Variants in PRKN observed in about 807,000 individuals in gnomAD.
PRKN encodes the protein E3 ubiquitin-protein ligase parkin.
In PRKN, 56 loss-of-function variants were observed where a neutral mutation model predicts 59.5. That is an observed-to-expected ratio of 0.94 (90% confidence interval 0.76 to 1.18). The LOEUF (loss-of-function observed/expected upper bound fraction) is 1.18. Among genes scored for constraint, PRKN ranks in the 50% most tolerant of loss-of-function variants. PRKN has a pLI of 0.00. For missense variants in PRKN, 657 were observed against 596.4 expected (o/e 1.10, Z -1.06); for synonymous variants, 250 against 222.1 (o/e 1.13, Z -1.12).
chr6:161,627,991 G>T (rs1783154814), intron 7 of PRKN, among the ~76,000 whole-genome samples: 1 of 152,006 alleles, frequency 6.6e-6, no homozygotes, highest in Admixed American at 6.6e-5. Flanking sequence ...TGCAAAATCG[G>T]TATTAGCCAA....
In PRKN at chr6:161,385,760, G is replaced by A. The variant is rs1253005524; in HGVS notation, c.1167+1034C>T. 6.6e-6 allele frequency among the ~76,000 whole-genome samples: 1 copy of A among 152,138 alleles called. No homozygotes were observed. The highest frequency in any genetic ancestry group is 2.4e-5 in the African/African-American group (1 of 41,434). On this transcript the variant is annotated intron_variant, in intron 10 of 11. Transcript: ENST00000366898. This position sits in a 1 kb window ranked among gnomAD's most constrained non-coding sequence, Gnocchi z 4.9. ...ATTATTGCTTTTGCTGTCAGTACCT[G>A]GTAAGCTCGCGTTTGAATGTCCCTG...
At chr6:162,053,405 C>T (rs905038326) in intron 5 of PRKN, among the ~76,000 whole-genome samples, 51 of 152,202 alleles carry the variant, frequency 3.4e-4, no homozygotes, top group African/African-American at 1.2e-3. Context: ...ACGACGGAGC[C>T]AGCGAGTTTT....
At chr6:162,237,445 T>A (rs574841487) in intron 3 of PRKN, among the ~76,000 whole-genome samples, 2 of 152,216 alleles carry the variant, frequency 1.3e-5, no homozygotes, top group African/African-American at 4.8e-5. Flanking sequence ...TCTTTGTTCA[T>A]GTTATCTCCA....
At chr6:162,626,521 ATATGGTGGCTCAGGCCGGG>A (rs1002635913) in intron 1 of PRKN, among the ~76,000 whole-genome samples, 7 of 152,098 alleles carry the variant, frequency 4.6e-5, no homozygotes, top group African/African-American at 7.2e-5. Flanking sequence ...AACTATCTGG[ATATGGTGGCTCAGGCCGGG>A]TATGGTGGCT....
chr6:161,623,166 C>G (rs1303902500), intron 7 of PRKN, among the ~76,000 whole-genome samples: 1 of 152,174 alleles, frequency 6.6e-6, no homozygotes, highest in Non-Finnish European at 1.5e-5. Flanking sequence ...ATGGGTGAGT[C>G]CACTGAGGGC....
intron 1 of PRKN, among the ~76,000 whole-genome samples, chr6:162,541,838 A>G (rs1778936554): frequency 6.6e-6 from 1 of 151,956 alleles, no homozygotes; most frequent in Admixed American, 6.5e-5. Context: ...TTGTCTAGCA[A>G]GAGAGTCTGG....
chr6:162,264,764 T>C (rs552329495), intron 2 of PRKN: 3 of 152,118 alleles, frequency 2.0e-5, no homozygotes, highest in Admixed American at 6.6e-5. Context: ...GGAAAAACCA[T>C]CCCCCACATC....
At position 161,561,963 on chromosome 6, in the gene PRKN, C is replaced by T. The variant is rs183228558; in HGVS notation, c.933+7392G>A. Among the ~76,000 whole-genome samples the T allele has an allele frequency of 4.1e-4, 63 of 152,298 alleles. No homozygotes were observed. The East Asian group carries it at 7.7e-3, about 19-fold the overall frequency. The stretch of plus-strand genomic sequence containing the variant: ...GTGACTTTTGCCACAGTGTCACAGG[C>T]GAAGGACGCTCCCTGACCTCATCTT... On this transcript the variant is annotated intron_variant, in intron 8 of 11. Transcript: ENST00000366898. The surrounding 1 kb of genome is among the most constrained non-coding windows in gnomAD (Gnocchi z 5.0).
In PRKN at chr6:162,298,170, G is replaced by GGAGA. The variant is rs113066522; in HGVS notation, c.172-35409_172-35406dup. ...GGAGGTCAATGGGTACAGACGGAGG[G>GGAGA]GAGAGAGAGAGAGAGAGAGAGAGAA... On this transcript the variant is annotated intron_variant, in intron 2 of 11. Transcript: ENST00000366898. Among the ~76,000 whole-genome samples, 40 of 148,888 alleles carry GGAGA rather than the reference G, an allele frequency of 2.7e-4. 1 individual carries two copies. The highest frequency in any genetic ancestry group is 7.1e-4 in the African/African-American group (29 of 40,664).
rs1554275155 is a variant in PRKN at position 161,550,738 on chromosome 6, C to CGTGTGTGTGTGCACGT, written c.934-1736_934-1735insACGTGCACACACACAC. ...AAGAAAGGGTATGTGTGTGTGTGCA[C>CGTGTGTGTGTGCACGT]GTGTGTGTGTGTGTGTGTGTGTGTA... On this transcript the variant is annotated intron_variant, in intron 8 of 11. Coordinates refer to ENST00000366898, the MANE Select transcript of PRKN (RefSeq NM_004562.3). The surrounding 1 kb of genome is among the most constrained non-coding windows in gnomAD (Gnocchi z 4.0). 2.7e-5 allele frequency among the ~76,000 whole-genome samples: 4 copies of CGTGTGTGTGTGCACGT among 146,192 alleles called. No homozygotes were observed. The highest frequency in any genetic ancestry group is 5.2e-5 in the African/African-American group (2 of 38,626).
Position 162,215,714 on chromosome 6 carries a change from T to C in PRKN, c.413-14462A>G, listed in dbSNP as rs141755014. Among the ~76,000 whole-genome samples the C allele has an allele frequency of 8.6e-3, 1,306 of 152,214 alleles. 10 individuals carry two copies. Among genetic ancestry groups the C allele is most frequent in the Non-Finnish European group, 0.014 (974 of 68,016 alleles). On this transcript the variant is annotated intron_variant, in intron 3 of 11. Transcript: ENST00000366898. ...GGCTTTGGAGTTGAGGATGAAGCTTTTGATGGGCATCACTGAATACAGGAG... is the reference window on the plus strand; with the variant it reads ...GGCTTTGGAGTTGAGGATGAAGCTTCTGATGGGCATCACTGAATACAGGAG...
intron 6 of PRKN, among the ~76,000 whole-genome samples, chr6:161,935,356 C>T (rs1779315796): frequency 6.6e-6 from 1 of 151,924 alleles, no homozygotes; most frequent in Non-Finnish European, 1.5e-5. Context: ...AGTTTGAGAT[C>T]AGCCTTGGCA....
At chr6:162,390,995 A>G (rs984997226) in intron 2 of PRKN, among the ~76,000 whole-genome samples, 2 of 152,166 alleles carry the variant, frequency 1.3e-5, no homozygotes, top group Non-Finnish European at 1.5e-5. Flanking sequence ...CAGATGCTGA[A>G]TTTTCTTTAG....
intron 5 of PRKN, among the ~76,000 whole-genome samples, chr6:161,980,791 C>A (rs1768576170): frequency 6.6e-6 from 1 of 152,176 alleles, no homozygotes; most frequent in African/African-American, 2.4e-5. Context: ...TGGCTTGGGT[C>A]TGAAAGCCAC....
intron 1 of PRKN, among the ~76,000 whole-genome samples, chr6:162,690,024 A>G (rs893380426): frequency 6.6e-6 from 1 of 152,002 alleles, no homozygotes; most frequent in African/African-American, 2.4e-5. Context: ...AATAAAAGAT[A>G]TTCATGTGGG....
At chr6:162,312,892 T>G (rs750771457) in intron 2 of PRKN, among the ~76,000 whole-genome samples, 31 of 152,232 alleles carry the variant, frequency 2.0e-4, no homozygotes, top group South Asian at 6.2e-4. Flanking sequence ...TAATTTTAAA[T>G]ATTGTAGCAT....
intron 1 of PRKN, among the ~76,000 whole-genome samples, chr6:162,577,534 G>T (rs55660305): frequency 0.022 from 3,391 of 151,950 alleles, 84 homozygotes; most frequent in Middle Eastern, 0.037. Flanking sequence ...CGGGAGGCGG[G>T]GGGTGCAGTA....
intron 7 of PRKN, among the ~76,000 whole-genome samples, chr6:161,636,627 A>G (rs558890995): frequency 5.9e-5 from 9 of 152,322 alleles, no homozygotes; most frequent in African/African-American, 2.2e-4. Context: ...GGAAATGCCA[A>G]AGAGCAAACT....
At chr6:162,505,677 A>G (rs1583687041) in intron 1 of PRKN, among the ~76,000 whole-genome samples, 1 of 152,242 alleles carries the variant, frequency 6.6e-6, no homozygotes, top group African/African-American at 2.4e-5. Context: ...CAGAAAGGAT[A>G]TATGCCAACT....
Sources: allele counts gnomAD v4.1 joint callset (sites outside exome capture counted in the v4.1 genomes callset), GRCh38; gene constraint gnomAD v4.1.1; non-coding constraint Gnocchi (gnomAD v3.1); transcripts MANE v1.5; gene names NCBI Gene and HGNC (gene_info 2026-07-23, HGNC 2026-07-21).